The following DAB1 variants were observed in gnomAD, a reference collection of about 807,000 sequenced individuals.
DAB1 encodes DAB adaptor protein 1.
In DAB1, 15 loss-of-function variants were observed where a neutral mutation model predicts 64.6. The observed-to-expected ratio is 0.23, with a 90% CI of 0.16 to 0.36. DAB1 has a LOEUF of 0.36. Among genes scored for constraint, DAB1 ranks in the 10% least tolerant of loss-of-function variants. DAB1 has a pLI of 1.00. For synonymous variants in DAB1, 235 were observed against 251.9 expected (o/e 0.93, Z 0.64); for missense variants, 596 against 706.7 (o/e 0.84, Z 1.78).
At chr1:57,712,688 T>C (rs1034965247) in intron 6 of DAB1, among the ~76,000 whole-genome samples, 2 of 152,158 alleles carry the variant, frequency 1.3e-5, no homozygotes, top group Non-Finnish European at 2.9e-5. Flanking sequence ...CGAGAGTGTG[T>C]AAATATTATT....
At chr1:57,063,432 C>T (rs1202863173) in intron 8 of DAB1, among the ~76,000 whole-genome samples, 2 of 152,162 alleles carry the variant, frequency 1.3e-5, no homozygotes, top group South Asian at 2.1e-4. Flanking sequence ...GGATCAGATA[C>T]AAGCCATTTG....
At chr1:57,314,193 T>C (rs1674985557) in intron 1 of DAB1, among the ~76,000 whole-genome samples, 1 of 152,208 alleles carries the variant, frequency 6.6e-6, no homozygotes, top group African/African-American at 2.4e-5. Flanking sequence ...TATGAGAACA[T>C]GGTTGTTCTC....
At chr1:57,215,336 T>G (rs556325207) in intron 2 of DAB1, among the ~76,000 whole-genome samples, 3 of 152,208 alleles carry the variant, frequency 2.0e-5, no homozygotes, top group Non-Finnish European at 4.4e-5. Context: ...TGTGAGGACT[T>G]GCTAAAACAA....
intron 7 of DAB1, among the ~76,000 whole-genome samples, chr1:57,548,917 T>C (rs1369640139): frequency 6.6e-6 from 1 of 152,194 alleles, no homozygotes; most frequent in Non-Finnish European, 1.5e-5. Flanking sequence ...AATAACACAA[T>C]GAGATAGATA....
intron 1 of DAB1, among the ~76,000 whole-genome samples, chr1:57,414,166 A>C (rs1168073999): frequency 1.3e-5 from 2 of 152,352 alleles, no homozygotes; most frequent in African/African-American, 4.8e-5. Flanking sequence ...TTTTGAAAAA[A>C]GTTCTGCTGT....
intron 9 of DAB1, among the ~76,000 whole-genome samples, chr1:57,058,961 C>T (rs1650113080): frequency 6.6e-6 from 1 of 152,140 alleles, no homozygotes; most frequent in Non-Finnish European, 1.5e-5. Flanking sequence ...AATGACAATC[C>T]ATTAGGATCA....
intron 7 of DAB1, among the ~76,000 whole-genome samples, chr1:57,638,829 A>G (rs1646091634): frequency 6.6e-6 from 1 of 152,062 alleles, no homozygotes; most frequent in Non-Finnish European, 1.5e-5. Flanking sequence ...GTGGCTGGAA[A>G]CAAATACAAG....
chr1:57,646,391 C>T lies in DAB1; in HGVS notation n.625+3201G>A, dbSNP rs188146639. Among the ~76,000 whole-genome samples the T allele has an allele frequency of 1.7e-4, 26 of 152,304 alleles. No individual in the cohort carries two copies. In the East Asian group the frequency reaches 3.3e-3, roughly 19 times the overall value. On this transcript the variant is annotated intron_variant and non_coding_transcript_variant, in intron 7 of 20. Transcript: ENST00000485760. ...ATGAGGACAGGCAGGTAGTCTACCA[C>T]GTCTAGGACACAACAATAGCATGAA...
chr1:57,302,130 G>T (rs1440033264), intron 1 of DAB1, among the ~76,000 whole-genome samples: 1 of 152,088 alleles, frequency 6.6e-6, no homozygotes, highest in African/African-American at 2.4e-5. Context: ...TCCACAAAAG[G>T]ATCTGTGCTT....
intron 3 of DAB1, among the ~76,000 whole-genome samples, chr1:58,450,676 C>T (rs1298465855): frequency 2.6e-5 from 4 of 152,172 alleles, no homozygotes; most frequent in Non-Finnish European, 4.4e-5. Flanking sequence ...ATGGCGTGAA[C>T]CCGGGAGGCG....
chr1:57,240,658 C>G (rs1668430501), intron 2 of DAB1, among the ~76,000 whole-genome samples: 1 of 152,046 alleles, frequency 6.6e-6, no homozygotes, highest in Non-Finnish European at 1.5e-5. Flanking sequence ...GCCTCTATTT[C>G]TATGGTTTAA....
At chr1:57,321,807 T>C (rs1225841170) in intron 1 of DAB1, among the ~76,000 whole-genome samples, 1 of 152,204 alleles carries the variant, frequency 6.6e-6, no homozygotes, top group African/African-American at 2.4e-5. Context: ...ACTCAGTATA[T>C]GGTAGTCACA....
At position 57,212,589 on chromosome 1, in the gene DAB1, G is replaced by T. The variant is rs565512254; in HGVS notation, c.68-67160C>A. Among the ~76,000 whole-genome samples the T allele has an allele frequency of 3.3e-5, 5 of 151,704 alleles. No individual in the cohort carries two copies. In the East Asian group the frequency reaches 9.7e-4, roughly 29 times the overall value. ...TCACCATGTTAGCCAGGATGTTCTC[G>T]ATCTCCTAACCTCGTGACCCACCCG... is the stretch of plus-strand genomic sequence containing the variant. On this transcript the variant is annotated intron_variant, in intron 2 of 14. Transcript: ENST00000371236.
At chr1:57,732,519 C>G (rs1052451403) in intron 6 of DAB1, among the ~76,000 whole-genome samples, 1 of 152,178 alleles carries the variant, frequency 6.6e-6, no homozygotes, top group African/African-American at 2.4e-5. Flanking sequence ...GGAAATAAAT[C>G]CTCAACCCTC....
intron 4 of DAB1, among the ~76,000 whole-genome samples, chr1:58,322,395 A>T (rs1168872241): frequency 6.6e-6 from 1 of 152,194 alleles, no homozygotes; most frequent in South Asian, 2.1e-4. Flanking sequence ...ATTTACAAGA[A>T]AAAAACAAAA....
chr1:57,037,838 C>G (rs576487971), intron 9 of DAB1, among the ~76,000 whole-genome samples: 3 of 152,266 alleles, frequency 2.0e-5, no homozygotes, highest in African/African-American at 7.2e-5. Flanking sequence ...GGAATAGAAA[C>G]TCTGATTTTA....
chr1:57,004,997 A>G (rs545332331), intron 14 of DAB1, among the ~76,000 whole-genome samples: 6 of 152,340 alleles, frequency 3.9e-5, no homozygotes, highest in Admixed American at 3.9e-4. Flanking sequence ...AAACAAAAGG[A>G]AAAACAAAGC....
intron 7 of DAB1, among the ~76,000 whole-genome samples, chr1:57,646,404 A>G (rs547059169): frequency 6.6e-6 from 1 of 152,212 alleles, no homozygotes; most frequent in Non-Finnish European, 1.5e-5. Flanking sequence ...CTAGGACACA[A>G]CAATAGCATG....
At chr1:58,066,887 G>A (rs1008842115) in intron 5 of DAB1, among the ~76,000 whole-genome samples, 1 of 152,100 alleles carries the variant, frequency 6.6e-6, no homozygotes, top group East Asian at 1.9e-4. Context: ...TTTCTCTGCT[G>A]AATACCTTCA....
Sources: allele counts gnomAD v4.1 joint callset (sites outside exome capture counted in the v4.1 genomes callset), GRCh38; gene constraint gnomAD v4.1.1; transcripts MANE v1.5; gene names NCBI Gene and HGNC (gene_info 2026-07-23, HGNC 2026-07-21).